The following LRRC49 variants were observed in gnomAD, a reference collection of about 807,000 sequenced individuals.
LRRC49 encodes leucine-rich repeat-containing protein 49.
Under a neutral mutation model 83.3 loss-of-function variants are expected in LRRC49, and 50 were observed. That is an observed-to-expected ratio of 0.60 (90% CI 0.48 to 0.76). LRRC49 has a LOEUF of 0.76. Ranked by LOEUF, LRRC49 falls within the 30% of genes least tolerant of loss-of-function variation. LRRC49 has a pLI of 0.00. For missense variants in LRRC49, 704 were observed against 809.1 expected (o/e 0.87, Z 1.58); for synonymous variants, 286 against 283.3 (o/e 1.01, Z -0.10).
exon 2 of LRRC49, chr15:70,873,217 A>G (rs1233113567): frequency 6.5e-7 from 1 of 1,536,076 alleles, no homozygotes; most frequent in South Asian, 1.2e-5. Context: ...TGGATTGCCA[A>G]GCTGAGGTAA....
intron 3 of LRRC49, 122 bp downstream of exon 3, chr15:70,896,058 C>A: frequency 3.4e-6 from 2 of 594,906 alleles, no homozygotes; most frequent in South Asian, 2.7e-5. Context: ...TTCATTGGGA[C>A]CAAATTGGTT....
intron 9 of LRRC49, among the ~76,000 whole-genome samples, chr15:70,974,615 A>G (rs2037138244): frequency 6.6e-6 from 1 of 152,214 alleles, no homozygotes; most frequent in South Asian, 2.1e-4. Flanking sequence ...TCCATAGTCT[A>G]GAACAGGGTT....
chr15:70,891,907 C>T (rs1381662748), upstream of LRRC49: 1 of 1,613,442 alleles, frequency 6.2e-7, no homozygotes, highest in Non-Finnish European at 8.5e-7. Context: ...CTGGGGCAGC[C>T]TCAGAATGCC....
rs559516338 is a variant in LRRC49 at position 70,865,624 on chromosome 15, T to C, written c.-298-7284T>C. Reference sequence around the variant, plus strand: ...ATATTGTTATTGTTGCTTCATGACATTGAATTTTTGAAGGATTCATGTCCG... The same window carrying C: ...ATATTGTTATTGTTGCTTCATGACACTGAATTTTTGAAGGATTCATGTCCG... On this transcript the variant is annotated intron_variant, in intron 1 of 16. Coordinates refer to the LRRC49 transcript ENST00000544974. 7.2e-5 allele frequency among the ~76,000 whole-genome samples: 11 copies of C among 152,310 alleles called. No individual in the cohort carries two copies. In the South Asian group the frequency reaches 2.1e-3, roughly 29 times the overall value.
chr15:70,911,662 T>C (rs770848564), intron 6 of LRRC49, 64 bp downstream of exon 6: 26 of 989,888 alleles, frequency 2.6e-5, no homozygotes, highest in Non-Finnish European at 3.8e-5. Flanking sequence ...GGTATAAAAG[T>C]TTTAAGAATC....
At chr15:70,925,640 A>G (rs560654182) in intron 7 of LRRC49, among the ~76,000 whole-genome samples, 2 of 152,308 alleles carry the variant, frequency 1.3e-5, no homozygotes, top group African/African-American at 4.8e-5. Flanking sequence ...CAGAATGGGT[A>G]TCAGTATTTG....
intron 11 of LRRC49, among the ~76,000 whole-genome samples, chr15:70,997,125 T>TA (rs2038099819): frequency 6.6e-6 from 1 of 152,216 alleles, no homozygotes; most frequent in Non-Finnish European, 1.5e-5. Flanking sequence ...TTCTATCCAT[T>TA]ATTGAAGGTA....
rs192959152 is a variant in LRRC49, at chr15:70,872,942, C to T, written c.-264C>T. 417 of 369,396 alleles carry T rather than the reference C, an allele frequency of 1.1e-3. 2 individuals carry two copies. In the East Asian group the frequency reaches 0.015, roughly 13 times the overall value. 22.9% of individuals were successfully genotyped at this position (369,396 alleles called of 1,614,324 possible). A position where few individuals can be genotyped will look rare whatever the true frequency, so the allele number is the denominator to read the frequency against. ...CACTCTGTCGCCTAGGCTGGAGTGC[C>T]GTGGTGCGATCTCGCTCACTGCAAC... On this transcript the variant is annotated 5_prime_UTR_variant, in exon 2 of 17. Transcript: ENST00000544974.
chr15:71,028,076 T>C (rs1424352018), intron 14 of LRRC49, among the ~76,000 whole-genome samples: 2 of 152,198 alleles, frequency 1.3e-5, no homozygotes, highest in Non-Finnish European at 2.9e-5. Context: ...ATACTGGCTA[T>C]GGGTTTGTCA....
intron 7 of LRRC49, among the ~76,000 whole-genome samples, chr15:70,922,981 T>G (rs1238013578): frequency 2.6e-5 from 4 of 152,108 alleles, no homozygotes; most frequent in African/African-American, 7.2e-5. Context: ...TTTCATATAT[T>G]AGTTTTCAGT....
intron 8 of LRRC49, among the ~76,000 whole-genome samples, chr15:70,952,753 T>A (rs183362412): frequency 1.3e-5 from 2 of 152,302 alleles, no homozygotes; most frequent in East Asian, 3.9e-4. Flanking sequence ...TATTATTGTT[T>A]GGTTGTCTGA....
chr15:70,866,258 T>G (rs1457420627), intron 1 of LRRC49, among the ~76,000 whole-genome samples: 2 of 152,126 alleles, frequency 1.3e-5, no homozygotes, highest in Non-Finnish European at 1.5e-5. Flanking sequence ...GTGATTCTCC[T>G]GCCTCAGCCT....
intron 6 of LRRC49, 53 bp downstream of exon 6, chr15:70,911,651 T>C: frequency 8.8e-7 from 1 of 1,132,858 alleles, no homozygotes; most frequent in South Asian, 1.4e-5. Flanking sequence ...TCCAGGAAAA[T>C]GGTATAAAAG....
chr15:71,004,195 G>A (rs2038370241), intron 11 of LRRC49, among the ~76,000 whole-genome samples: 1 of 152,066 alleles, frequency 6.6e-6, no homozygotes, highest in South Asian at 2.1e-4. Flanking sequence ...TCCCCTCCAT[G>A]TTTCAATGTT....
At chr15:70,963,474 T>C (rs1164074729) in intron 8 of LRRC49, among the ~76,000 whole-genome samples, 4 of 151,866 alleles carry the variant, frequency 2.6e-5, no homozygotes, top group Admixed American at 2.6e-4. Context: ...CAACTAAATG[T>C]AATATGGTAT....
chr15:70,975,576 C>T (rs915577355), intron 9 of LRRC49, among the ~76,000 whole-genome samples: 1 of 151,974 alleles, frequency 6.6e-6, no homozygotes, highest in African/African-American at 2.4e-5. Flanking sequence ...GCCTGTAGTA[C>T]CAGAGACTTG....
intron 2 of LRRC49, chr15:70,881,749 A>G (rs865926708): frequency 1.3e-5 from 2 of 152,232 alleles, no homozygotes; most frequent in Non-Finnish European, 2.9e-5. Flanking sequence ...TCATGATGTT[A>G]ATGATTCTAA....
intron 8 of LRRC49, among the ~76,000 whole-genome samples, chr15:70,958,204 T>G (rs1376657406): frequency 6.6e-6 from 1 of 152,196 alleles, no homozygotes; most frequent in African/African-American, 2.4e-5. Flanking sequence ...TTCACCTCTG[T>G]TACCGCAATC....
At chr15:71,026,917 C>A (rs564271121) in intron 14 of LRRC49, among the ~76,000 whole-genome samples, 10 of 152,080 alleles carry the variant, frequency 6.6e-5, no homozygotes, top group Middle Eastern at 3.2e-3. Context: ...ATGATAGTTT[C>A]TTTTGCTGTG....
Sources: allele counts gnomAD v4.1 joint callset (sites outside exome capture counted in the v4.1 genomes callset), GRCh38; gene constraint gnomAD v4.1.1; transcripts MANE v1.5; gene names NCBI Gene and HGNC (gene_info 2026-07-23, HGNC 2026-07-21).